The following NMU variants were observed in gnomAD, a reference collection of about 807,000 sequenced individuals.
NMU encodes neuromedin U.
A neutral mutation model predicts 35.4 loss-of-function variants in NMU; 29 were observed. The ratio of observed to expected loss-of-function variants is 0.82; its 90% confidence interval spans 0.61 to 1.12. The LOEUF is 1.12. Ranked by LOEUF, NMU falls within the 50% of genes most tolerant of loss-of-function variation. NMU has a pLI of 0.00. For missense variants in NMU, 199 were observed against 206.2 expected (o/e 0.97, Z 0.21); for synonymous variants, 78 against 81.3 (o/e 0.96, Z 0.22).
chr4:55,599,117 AT>A, intron 9 of NMU, 24 bp downstream of exon 9: 1 of 1,493,126 alleles, frequency 6.7e-7, no homozygotes, highest in Non-Finnish European at 9.3e-7. Context: ...TTATTTATTT[AT>A]TTGTTTATTT....
chr4:55,607,411 G>T, intron 5 of NMU, 26 bp downstream of exon 5: 1 of 1,209,932 alleles, frequency 8.3e-7, no homozygotes, highest in Non-Finnish European at 1.2e-6. Flanking sequence ...ATTTTATAAG[G>T]TATAGATGTA....
Position 55,627,211 on chromosome 4 carries a change from C to T in NMU, c.171+3191G>A, listed in dbSNP as rs955603353. On this transcript the variant is annotated intron_variant, in intron 2 of 9. Coordinates refer to ENST00000264218, the MANE Select transcript of NMU (RefSeq NM_006681.4). ...TCTCTCCAAGCTCTAGTCTCTGTTCCATTGGTTCATTCTGTCTGTTCTTGT... is the reference window on the plus strand; with the variant it reads ...TCTCTCCAAGCTCTAGTCTCTGTTCTATTGGTTCATTCTGTCTGTTCTTGT... 2.6e-5 allele frequency among the ~76,000 whole-genome samples: 4 copies of T among 152,080 alleles called. 1 individual carries two copies. In the Middle Eastern group the frequency reaches 0.014, roughly 528 times the overall value.
intron 4 of NMU, among the ~76,000 whole-genome samples, chr4:55,607,978 G>C (rs979528095): frequency 6.6e-6 from 1 of 152,114 alleles, no homozygotes; most frequent in Non-Finnish European, 1.5e-5. Context: ...AGACGATCCT[G>C]GCTAACACGG....
intron 1 of NMU, among the ~76,000 whole-genome samples, chr4:55,632,751 C>T (rs956544719): frequency 2.6e-5 from 4 of 152,038 alleles, no homozygotes; most frequent in African/African-American, 9.7e-5. Flanking sequence ...TGACCATCCC[C>T]GACCCCCAGT....
Position 55,613,048 on chromosome 4 carries a change from T to C in NMU, c.219+3290A>G, listed in dbSNP as rs374092305. ...GGGTATTACCCTAAGCGAAATAACATAGGAACAGAAAACCAAATACCACAC... is the reference window on the plus strand; with the variant it reads ...GGGTATTACCCTAAGCGAAATAACACAGGAACAGAAAACCAAATACCACAC... On this transcript the variant is annotated intron_variant, in intron 3 of 9. Coordinates refer to ENST00000264218, the MANE Select transcript of NMU (RefSeq NM_006681.4). Among the ~76,000 whole-genome samples the C allele has an allele frequency of 5.3e-5, 8 of 152,148 alleles. No individual in the cohort carries two copies. In the South Asian group the frequency reaches 8.3e-4, roughly 16 times the overall value.
Position 55,616,296 on chromosome 4 carries a change from C to T in NMU, c.219+42G>A, listed in dbSNP as rs192429832. ...AGCAATGGAGAGTTTAAGCACTACA[C>T]AAACACCTACATTATTACAAAATAT... is the stretch of plus-strand genomic sequence containing the variant. On this transcript the variant is annotated intron_variant, in intron 3 of 9. Transcript: ENST00000264218. 5.4e-6 allele frequency: 8 copies of T among 1,487,878 alleles called. No homozygotes were observed. The East Asian group carries it at 1.1e-4, about 21-fold the overall frequency. 92.2% of individuals were successfully genotyped at this position (1,487,878 alleles called of 1,614,324 possible).
rs934938003 is a variant in NMU, at chr4:55,610,993, A to T, written c.220-1814T>A. On this transcript the variant is annotated intron_variant, in intron 3 of 9. Coordinates refer to ENST00000264218, the MANE Select transcript of NMU (RefSeq NM_006681.4). ...ATAGAATGAGGATATAAAGAAAGAAAATATTTCGTACACCTGTTCAGCATG... is the reference window on the plus strand; with the variant it reads ...ATAGAATGAGGATATAAAGAAAGAATATATTTCGTACACCTGTTCAGCATG... Among the ~76,000 whole-genome samples, 9 of 152,326 alleles carry T rather than the reference A, an allele frequency of 5.9e-5. No individual in the cohort carries two copies. In the South Asian group the frequency reaches 1.9e-3, roughly 32 times the overall value.
At chr4:55,618,066 T>G (rs1734177412) in intron 2 of NMU, among the ~76,000 whole-genome samples, 1 of 152,218 alleles carries the variant, frequency 6.6e-6, no homozygotes, top group Non-Finnish European at 1.5e-5. Context: ...ATGGCTCTAA[T>G]GGTTTTGAAT....
At chr4:55,616,461 A>G in intron 2 of NMU, 76 bp from the exon 3 acceptor site, 1 of 1,099,252 alleles carries the variant, frequency 9.1e-7, no homozygotes. Flanking sequence ...ACAAAGTCAC[A>G]TTACCTATGG....
chr4:55,636,671 T>C (rs887360151), upstream of NMU: 5 of 153,616 alleles, frequency 3.3e-5, no homozygotes, highest in African/African-American at 1.2e-4. The surrounding 1 kb of genome is among the most constrained non-coding windows in gnomAD (Gnocchi z 4.0). Context: ...CCTTCACCTC[T>C]TCCAGAGCTC....
At chr4:55,628,791 T>C (rs1734643045) in intron 2 of NMU, among the ~76,000 whole-genome samples, 1 of 152,084 alleles carries the variant, frequency 6.6e-6, no homozygotes, top group Admixed American at 6.6e-5. Context: ...CCCGGCCTTA[T>C]TTTTATTATT....
chr4:55,633,764 C>G (rs753613994), intron 1 of NMU, among the ~76,000 whole-genome samples: 1 of 152,286 alleles, frequency 6.6e-6, no homozygotes, highest in South Asian at 2.1e-4. Flanking sequence ...AGTGAGAAAT[C>G]GTTACTGCCA....
In NMU at chr4:55,598,088, G is replaced by GT. The variant is rs1560510499; in HGVS notation, c.*4+1053_*4+1054insA. ...ACTTTGTTGTTGTTGTTTTGGTTGT[G>GT]GTTTTTTTTTTTTTTTTTTTTTGTG... On this transcript the variant is annotated intron_variant, in intron 9 of 9. Transcript: ENST00000264218. Among the ~76,000 whole-genome samples the GT allele has an allele frequency of 2.9e-3, 257 of 88,954 alleles. 1 individual carries two copies. Among genetic ancestry groups the GT allele is most frequent in the African/African-American group, 0.011 (234 of 20,998 alleles). The allele number at this position is 88,954 out of a possible 152,430, so 58.4% of individuals were successfully genotyped here.
chr4:55,635,988 A>T, intron 1 of NMU, 93 bp downstream of exon 1: 1 of 1,524,460 alleles, frequency 6.6e-7, no homozygotes, highest in Non-Finnish European at 8.8e-7. Flanking sequence ...GAAGCCAAGT[A>T]AAGGTGAGAG....
chr4:55,612,407 A>T (rs553414895), intron 3 of NMU, among the ~76,000 whole-genome samples: 1 of 152,220 alleles, frequency 6.6e-6, no homozygotes. Flanking sequence ...CTCTAAAAAC[A>T]AAAACAAAAT....
intron 3 of NMU, among the ~76,000 whole-genome samples, chr4:55,614,982 G>A (rs1734061949): frequency 6.6e-6 from 1 of 152,158 alleles, no homozygotes; most frequent in Non-Finnish European, 1.5e-5. Flanking sequence ...TGAGGCAGGA[G>A]AAATACAACA....
rs371017955 is a variant in NMU, at chr4:55,635,991, G to C, written c.112+90C>G. On this transcript the variant is annotated intron_variant, in intron 1 of 9. Coordinates refer to ENST00000264218, the MANE Select transcript of NMU (RefSeq NM_006681.4). ...AGTGAAGTCCCAGAAGCCAAGTAAA[G>C]GTGAGAGAAAGAGGGTGGAGGAGAG... The C allele has an allele frequency of 3.9e-6, 6 of 1,526,246 alleles. No homozygotes were observed. In the African/African-American group the frequency reaches 5.5e-5, roughly 14 times the overall value. The allele number at this position is 1,526,246 out of a possible 1,614,324, so 94.5% of individuals were successfully genotyped here.
At chr4:55,611,739 A>G (rs1483039684) in intron 3 of NMU, among the ~76,000 whole-genome samples, 1 of 152,234 alleles carries the variant, frequency 6.6e-6, no homozygotes, top group Non-Finnish European at 1.5e-5. Flanking sequence ...GTTTGTAGCC[A>G]TATAGCCTAG....
chr4:55,601,514 A>G (rs1733422701), intron 7 of NMU, among the ~76,000 whole-genome samples: 1 of 152,128 alleles, frequency 6.6e-6, no homozygotes, highest in Non-Finnish European at 1.5e-5. Flanking sequence ...AAATTACTTA[A>G]TATTGAAAAA....
Sources: gnomAD v4.1 joint callset for allele counts (sites outside exome capture counted in the v4.1 genomes callset) on GRCh38, gnomAD v4.1.1 for gene constraint, Gnocchi (gnomAD v3.1) non-coding constraint, MANE v1.5 for transcripts, NCBI Gene and HGNC (gene_info 2026-07-23, HGNC 2026-07-21) for gene names.